Variants in HTR1D observed in about 807,000 individuals in gnomAD.
The protein encoded by HTR1D is 5-hydroxytryptamine receptor 1D.
A neutral mutation model predicts 21.1 loss-of-function variants in HTR1D; 18 were observed. The ratio of observed to expected loss-of-function variants is 0.85; its 90% CI spans 0.59 to 1.27. The LOEUF is 1.27. Ranked by LOEUF, HTR1D falls within the 50% of genes most tolerant of loss-of-function variation. The probability of loss-of-function intolerance (pLI) is 0.00; values close to 1 mark genes in which losing one functional copy is unlikely to be tolerated. For missense variants in HTR1D, 456 were observed against 481.4 expected (o/e 0.95, Z 0.49); for synonymous variants, 196 against 204.4 (o/e 0.96, Z 0.35).
rs559058225 is a variant in HTR1D, at chr1:23,193,419, C to G, written c.801G>C (p.Ser267=). ...NSSLHEGHSH[S]AGSPLFFNHV... is the part of the protein sequence containing the mutation. ...GGTTGAAAAAGAGAGGGGAGCCAGC[C>G]GAGTGCGAGTGCCCCTCATGGAGGC... Residue 267 remains serine, a synonymous_variant, in exon 2 of 2, where the codon TCG becomes TCC. Coordinates refer to ENST00000374619, the MANE Select transcript of HTR1D (RefSeq NM_000864.5). 6.2e-7 allele frequency: 1 copy of G among 1,614,176 alleles called. No individual in the cohort carries two copies. The highest frequency in any genetic ancestry group is 8.5e-7 in the Non-Finnish European group (1 of 1,180,046).
chr1:23,197,720 TAA>T (rs772773332), intron 1 of HTR1D, among the ~76,000 whole-genome samples: 31 of 114,132 alleles, frequency 2.7e-4, no homozygotes, highest in Admixed American at 3.8e-4. Flanking sequence ...AGACTCTACC[TAA>T]AAAAAAAAAA....
chr1:23,214,444 A>C lies in HTR1D; in HGVS notation c.-783+2847T>G, dbSNP rs1205962209. On this transcript the variant is annotated intron_variant, in intron 1 of 1. Transcript: ENST00000374619. ...TCTGTCATCATTCATTCATTCATTC[A>C]TTCATAAATAAATACATTTCTCCAA... Among the ~76,000 whole-genome samples, 4 of 152,028 alleles carry C rather than the reference A, an allele frequency of 2.6e-5. No homozygotes were observed. In the East Asian group the frequency reaches 7.7e-4, roughly 29 times the overall value.
chr1:23,200,942 T>A (rs1425784954), intron 1 of HTR1D, among the ~76,000 whole-genome samples: 2 of 152,024 alleles, frequency 1.3e-5, no homozygotes, highest in Admixed American at 6.6e-5. Flanking sequence ...CCACAGCATC[T>A]CCCCTGAAGT....
intron 1 of HTR1D, among the ~76,000 whole-genome samples, chr1:23,205,904 C>T (rs745440852): frequency 6.6e-6 from 1 of 152,168 alleles, no homozygotes; most frequent in Non-Finnish European, 1.5e-5. Context: ...TGTGCCTTGA[C>T]TCTTCTCTCC....
chr1:23,194,321 G>GTACGGCTCCCACCAGTGT lies in HTR1D; in HGVS notation c.-103_-102insACACTGGTGGGAGCCGTA. On this transcript the variant is annotated 5_prime_UTR_variant, in exon 2 of 2. Coordinates refer to ENST00000374619, the MANE Select transcript of HTR1D (RefSeq NM_000864.5). ...AGTCATCCTTCTGCTTCACACTGGT[G>GTACGGCTCCCACCAGTGT]GGAGCCGTACACCAGAACAGACCAC... 1 of 1,075,980 alleles carries GTACGGCTCCCACCAGTGT rather than the reference G, an allele frequency of 9.3e-7. No homozygotes were observed. 66.7% of individuals were successfully genotyped at this position (1,075,980 alleles called of 1,614,324 possible). A position where few individuals can be genotyped will look rare whatever the true frequency, so the allele number is the denominator to read the frequency against.
chr1:23,195,379 T>TGG (rs9282707), intron 1 of HTR1D, among the ~76,000 whole-genome samples: 41 of 150,896 alleles, frequency 2.7e-4, no homozygotes, highest in African/African-American at 9.5e-4. Context: ...CTACAAAGTA[T>TGG]GGGGGGGGGT....
intron 1 of HTR1D, among the ~76,000 whole-genome samples, chr1:23,197,207 G>A (rs1034669408): frequency 5.3e-5 from 8 of 152,092 alleles, no homozygotes; most frequent in Non-Finnish European, 1.2e-4. Context: ...GCAACATCTT[G>A]GGAAAAGGGA....
At chr1:23,212,029 T>C (rs1041007962) in intron 1 of HTR1D, among the ~76,000 whole-genome samples, 2 of 152,042 alleles carry the variant, frequency 1.3e-5, no homozygotes, top group African/African-American at 4.8e-5. Context: ...TCATTTCCTC[T>C]CATCCTCCTA....
chr1:23,198,425 T>C (rs1477067445), intron 1 of HTR1D, among the ~76,000 whole-genome samples: 1 of 150,204 alleles, frequency 6.7e-6, no homozygotes, highest in Non-Finnish European at 1.5e-5. Context: ...GAGTAAAAAT[T>C]GGAGAAACTT....
At position 23,193,285 on chromosome 1, in the gene HTR1D, A is replaced by G; in HGVS notation, c.935T>C (p.Ile312Thr). 1.2e-6 allele frequency: 2 copies of G among 1,614,194 alleles called. No homozygotes were observed. Among genetic ancestry groups the G allele is most frequent in the Non-Finnish European group, 1.7e-6 (2 of 1,180,032 alleles). ...CACCACGAAGAAGGGCAGCCAGCAG[A>G]TGATAAAGGCCCCCAGAATGATGCC... ...ILGIILGAFI[I>T]CWLPFFVVSL... The change falls in exon 2 of 2, where the codon ATC (isoleucine) becomes ACC (threonine). Residue 312 changes from isoleucine to threonine, a missense_variant. By Grantham distance (89) the Ile-to-Thr change is moderately conservative. Coordinates refer to ENST00000374619, the MANE Select transcript of HTR1D (RefSeq NM_000864.5).
At chr1:23,201,453 A>G (rs1644708911) in intron 1 of HTR1D, among the ~76,000 whole-genome samples, 1 of 152,136 alleles carries the variant, frequency 6.6e-6, no homozygotes, top group East Asian at 1.9e-4. Context: ...CTATCCAGGA[A>G]ACCTCATTTG....
chr1:23,210,349 A>G (rs1644749120), intron 1 of HTR1D, among the ~76,000 whole-genome samples: 1 of 152,196 alleles, frequency 6.6e-6, no homozygotes, highest in African/African-American at 2.4e-5. Flanking sequence ...AAATGCTGGG[A>G]TTATAGGCGT....
chr1:23,197,734 A>T lies in HTR1D; in HGVS notation c.-782-2733T>A, dbSNP rs1007304340. On this transcript the variant is annotated intron_variant, in intron 1 of 1. Coordinates refer to ENST00000374619, the MANE Select transcript of HTR1D (RefSeq NM_000864.5). ...AAGACTCTACCTAAAAAAAAAAAAA[A>T]AAAATTAAAATGACAATGAAGGCTG... is the stretch of plus-strand genomic sequence containing the variant. Among the ~76,000 whole-genome samples the T allele has an allele frequency of 9.9e-5, 15 of 152,042 alleles. 1 individual carries two copies. Among genetic ancestry groups the T allele is most frequent in the Middle Eastern group, 6.8e-3 (2 of 294 alleles).
At chr1:23,202,712 A>G (rs1053526060) in intron 1 of HTR1D, among the ~76,000 whole-genome samples, 5 of 152,172 alleles carry the variant, frequency 3.3e-5, no homozygotes, top group African/African-American at 1.2e-4. Context: ...CTCTGGATGG[A>G]GAAATCACTC....
chr1:23,216,806 C>G (rs921582424), intron 1 of HTR1D, among the ~76,000 whole-genome samples: 3 of 152,200 alleles, frequency 2.0e-5, no homozygotes, highest in Non-Finnish European at 4.4e-5. Flanking sequence ...GGTCACAGAG[C>G]CGGTCAGCCC....
Position 23,194,116 on chromosome 1 carries a change from T to G in HTR1D, c.104A>C (p.Gln35Pro). ...CACGGCAAGGGAGATCTTGAGCGCC[T>G]GGAGGGTCCTGGGATCCCAAGCCTC... Reference protein sequence around the residue: ...TSEAWDPRTLQALKISLAVVL... With the variant: ...TSEAWDPRTLPALKISLAVVL... Residue 35 changes from glutamine (Q) to proline (P), a missense_variant, in exon 2 of 2, where the codon CAG becomes CCG. Gln to Pro is a moderately conservative substitution (Grantham distance 76). Coordinates refer to ENST00000374619, the MANE Select transcript of HTR1D (RefSeq NM_000864.5). 1 of 1,614,150 alleles carries G rather than the reference T, an allele frequency of 6.2e-7. No homozygotes were observed. The highest frequency in any genetic ancestry group is 1.1e-5 in the South Asian group (1 of 91,080).
chr1:23,201,140 C>G (rs1644707777), intron 1 of HTR1D, among the ~76,000 whole-genome samples: 1 of 152,194 alleles, frequency 6.6e-6, no homozygotes, highest in African/African-American at 2.4e-5. Flanking sequence ...CAGATTCTCT[C>G]TTGGGAATTT....
At chr1:23,201,735 G>A (rs990946525) in intron 1 of HTR1D, among the ~76,000 whole-genome samples, 1 of 152,022 alleles carries the variant, frequency 6.6e-6, no homozygotes, top group Non-Finnish European at 1.5e-5. Flanking sequence ...ATATTTTTTT[G>A]TAGAGATGGG....
chr1:23,215,436 C>CAAAAAAAAAAA (rs1644770063), intron 1 of HTR1D, among the ~76,000 whole-genome samples: 1 of 152,088 alleles, frequency 6.6e-6, no homozygotes, highest in Non-Finnish European at 1.5e-5. Context: ...AACAAATAAG[C>CAAAAAAAAAAA]AAAAAGACTG....
Sources: gnomAD v4.1 joint callset for allele counts (sites outside exome capture counted in the v4.1 genomes callset) on GRCh38, gnomAD v4.1.1 for gene constraint, MANE v1.5 for transcripts, NCBI Gene and HGNC (gene_info 2026-07-23, HGNC 2026-07-21) for gene names.